The following ITGB1 variants were observed in gnomAD, a reference collection of about 807,000 sequenced individuals.
ITGB1 encodes the protein integrin beta-1.
In ITGB1, 24 loss-of-function variants were observed where a neutral mutation model predicts 86.5. The ratio of observed to expected loss-of-function variants is 0.28; its 90% confidence interval spans 0.20 to 0.39. The LOEUF is 0.39. ITGB1 is among the 10% of genes least tolerant of loss of function. The pLI is 1.00. For synonymous variants in ITGB1, 323 were observed against 316.8 expected, an observed-to-expected ratio of 1.02 and a Z score of -0.21; for missense variants, 556 against 946.9, an observed-to-expected ratio of 0.59 and a Z score of 5.42.
chr10:32,922,787 T>G, intron 7 of ITGB1, 52 bp from the exon 8 acceptor site: 1 of 1,007,060 alleles, frequency 9.9e-7, no homozygotes, highest in Non-Finnish European at 1.5e-6. Context: ...TTATAATCTC[T>G]TCTAATTTTT....
intron 14 of ITGB1, among the ~76,000 whole-genome samples, chr10:32,909,101 A>G (rs779839831): frequency 5.3e-5 from 8 of 152,184 alleles, no homozygotes; most frequent in Non-Finnish European, 1.0e-4. Flanking sequence ...GTAAAAGAAT[A>G]AAGTTGGAAG....
At chr10:32,906,045 CACAT>C (rs1015929729) in intron 15 of ITGB1, among the ~76,000 whole-genome samples, 15 of 151,978 alleles carry the variant, frequency 9.9e-5, no homozygotes, top group Non-Finnish European at 1.6e-4. Context: ...GAATCATTCT[CACAT>C]ACACACACAG....
At chr10:32,955,284 G>A (rs1023173538) in intron 1 of ITGB1, among the ~76,000 whole-genome samples, 3 of 152,190 alleles carry the variant, frequency 2.0e-5, no homozygotes, top group East Asian at 1.9e-4. Context: ...ATATTTACCC[G>A]GCATAATCTC....
At chr10:32,907,413 C>T (rs977890077) in intron 15 of ITGB1, among the ~76,000 whole-genome samples, 1 of 152,186 alleles carries the variant, frequency 6.6e-6, no homozygotes, top group Non-Finnish European at 1.5e-5. Flanking sequence ...ACCCCACCCT[C>T]TGACTCCATA....
chr10:32,955,371 T>C (rs987368206), intron 1 of ITGB1, among the ~76,000 whole-genome samples: 2 of 152,188 alleles, frequency 1.3e-5, no homozygotes, highest in African/African-American at 2.4e-5. Flanking sequence ...AACAGAAGTC[T>C]AAATGAACCC....
chr10:32,956,333 G>T (rs1403862599), intron 1 of ITGB1, among the ~76,000 whole-genome samples: 1 of 151,528 alleles, frequency 6.6e-6, no homozygotes, highest in Non-Finnish European at 1.5e-5. Flanking sequence ...GACGTATGTG[G>T]TTTAAGAAAG....
chr10:32,919,762 C>A lies in ITGB1; in HGVS notation c.1469+123G>T. 2.7e-6 allele frequency: 2 copies of A among 754,248 alleles called. 1 individual carries two copies. The highest frequency in any genetic ancestry group is 3.6e-5 in the South Asian group (2 of 54,842). 46.7% of individuals were successfully genotyped at this position (754,248 alleles called of 1,614,324 possible). On this transcript the variant is annotated intron_variant, in intron 11 of 15. Transcript: ENST00000302278. ...ATCAAACTGATCTTGTGGTGAGCAA[C>A]CGTGGTTGGAAAAAATAATTTGCTC...
At chr10:32,910,145 T>G (rs912685382) in intron 14 of ITGB1, 78 bp downstream of exon 14, 7 of 1,057,650 alleles carry the variant, frequency 6.6e-6, no homozygotes, top group Non-Finnish European at 9.7e-6. Context: ...GGAGGCTGTT[T>G]CTGGATGTTA....
intron 7 of ITGB1, 68 bp from the exon 8 acceptor site, chr10:32,922,803 T>G (rs2137205878): frequency 2.4e-6 from 2 of 839,718 alleles, no homozygotes; most frequent in Middle Eastern, 7.2e-4. Context: ...TTTTTCAATC[T>G]AGTTATACAT....
chr10:32,930,090 C>A lies in ITGB1; in HGVS notation c.154-46G>T. The A allele has an allele frequency of 3.7e-6, 3 of 800,432 alleles. No individual in the cohort carries two copies. The South Asian group carries it at 4.4e-5, about 12-fold the overall frequency. 49.6% of individuals were successfully genotyped at this position (800,432 alleles called of 1,614,324 possible). On this transcript the variant is annotated intron_variant, in intron 3 of 15. Coordinates refer to ENST00000302278, the MANE Select transcript of ITGB1 (RefSeq NM_002211.4). ...AGGTATAAATGAAAATTGTAATGGT[C>A]AAACCTTTTTACATAATAATTGCAA...
intron 15 of ITGB1, among the ~76,000 whole-genome samples, chr10:32,901,917 C>T (rs898341357): frequency 6.6e-6 from 1 of 152,206 alleles, no homozygotes; most frequent in Non-Finnish European, 1.5e-5. Context: ...TTCTCCATGG[C>T]ACAGAATGTG....
chr10:32,910,769 G>A (rs1377432190), intron 13 of ITGB1, among the ~76,000 whole-genome samples: 5 of 150,096 alleles, frequency 3.3e-5, no homozygotes, highest in East Asian at 1.9e-4. Flanking sequence ...TTTTTTTTGC[G>A]ATGGAGTCTT....
chr10:32,949,315 C>T (rs2095038341), intron 1 of ITGB1, among the ~76,000 whole-genome samples: 1 of 152,104 alleles, frequency 6.6e-6, no homozygotes, highest in South Asian at 2.1e-4. Flanking sequence ...CATCTGTATC[C>T]AGAAGCTATG....
At chr10:32,953,233 C>CATGGTACAGTATTTT (rs1291450986) in intron 1 of ITGB1, among the ~76,000 whole-genome samples, 1 of 152,314 alleles carries the variant, frequency 6.6e-6, no homozygotes, top group African/African-American at 2.4e-5. Flanking sequence ...GGGAATATTA[C>CATGGTACAGTATTTT]ATGGTACAGT....
chr10:32,922,798 C>G, intron 7 of ITGB1, 63 bp from the exon 8 acceptor site: 1 of 917,696 alleles, frequency 1.1e-6, no homozygotes, highest in Non-Finnish European at 1.7e-6. Context: ...TCTAATTTTT[C>G]AATCTAGTTA....
In ITGB1 at chr10:32,928,310, C is replaced by A. The variant is rs144684151; in HGVS notation, c.377-46G>T. The A allele has an allele frequency of 2.7e-3, 2,029 of 761,444 alleles. 4 individuals are homozygous for A. Among genetic ancestry groups the A allele is most frequent in the Non-Finnish European group, 3.7e-3 (1,631 of 438,198 alleles). 47.2% of individuals were successfully genotyped at this position (761,444 alleles called of 1,614,324 possible). A position where few individuals can be genotyped will look rare whatever the true frequency, so the allele number is the denominator to read the frequency against. On this transcript the variant is annotated intron_variant, in intron 4 of 15. Transcript: ENST00000302278. ...AAAATGAAACTTGCCTGTTGGCAAT[C>A]AAACGCAAACGAGAAAAACCAAATA...
chr10:32,951,717 C>T (rs2095042923), intron 1 of ITGB1: 1 of 152,174 alleles, frequency 6.6e-6, no homozygotes. Flanking sequence ...TATGCTGTTC[C>T]TTCTTTCCAC....
Position 32,908,319 on chromosome 10 carries a change from T to C in ITGB1, c.2331+49A>G. 2.0e-6 allele frequency: 3 copies of C among 1,536,296 alleles called. No individual in the cohort carries two copies. The East Asian group carries it at 6.7e-5, about 35-fold the overall frequency. On this transcript the variant is annotated intron_variant, in intron 15 of 15. Transcript: ENST00000302278. ...GCTAATACATAAGTCTTAGGAGTATTACATTTACTTTATAAGCCACTTTGC... is the reference window on the plus strand; with the variant it reads ...GCTAATACATAAGTCTTAGGAGTATCACATTTACTTTATAAGCCACTTTGC...
At chr10:32,913,996 A>C (rs4265547) in intron 11 of ITGB1, among the ~76,000 whole-genome samples, 14,393 of 152,266 alleles carry the variant, frequency 0.095, 867 homozygotes, top group Admixed American at 0.2. Flanking sequence ...GCCAGAAGAG[A>C]GTGGGGGCCA....
Sources: allele counts gnomAD v4.1 joint callset (sites outside exome capture counted in the v4.1 genomes callset), GRCh38; gene constraint gnomAD v4.1.1; transcripts MANE v1.5; gene names NCBI Gene and HGNC (gene_info 2026-07-23, HGNC 2026-07-21).